The following THAP5 variants were observed in gnomAD, a reference collection of about 807,000 sequenced individuals.
THAP5 encodes the protein THAP domain-containing protein 5.
A neutral mutation model predicts 34.0 loss-of-function variants in THAP5; 26 were observed. That is an observed-to-expected ratio of 0.77 (90% CI 0.56 to 1.06). THAP5 has a LOEUF of 1.06. Among genes scored for constraint, THAP5 ranks in the 50% least tolerant of loss-of-function variants. The pLI is 0.00. For synonymous variants in THAP5, 125 were observed against 153.0 expected (o/e 0.82, Z 1.35); for missense variants, 394 against 452.8 (o/e 0.87, Z 1.18).
downstream of THAP5, among the ~76,000 whole-genome samples, chr7:108,560,945 G>C (rs1015233954): frequency 6.6e-6 from 1 of 152,140 alleles, no homozygotes; most frequent in African/African-American, 2.4e-5. Context: ...TGTTGCCCAG[G>C]CTGGTCTCAA....
At chr7:108,560,211 G>A (rs1178154768), downstream of THAP5, among the ~76,000 whole-genome samples, 1 of 152,168 alleles carries the variant, frequency 6.6e-6, no homozygotes, top group Non-Finnish European at 1.5e-5. Context: ...AAGGCATGAA[G>A]GACCTTGTTT....
chr7:108,566,907 T>C (rs1379747494), intron 1 of THAP5, among the ~76,000 whole-genome samples: 1 of 152,142 alleles, frequency 6.6e-6, no homozygotes, highest in Non-Finnish European at 1.5e-5. Flanking sequence ...TTGAAAATGG[T>C]TTATATTCCA....
At chr7:108,541,843 A>C in the THAP5 span, among the ~76,000 whole-genome samples, 1 of 152,202 alleles carries the variant, frequency 6.6e-6, no homozygotes, top group Non-Finnish European at 1.5e-5. Flanking sequence ...CAATCATATA[A>C]ATGCATTTCA....
chr7:108,558,381 G>GTGTATATATATATATATATATA (rs1321603472), downstream of THAP5, among the ~76,000 whole-genome samples: 1 of 93,822 alleles, frequency 1.1e-5, no homozygotes, highest in African/African-American at 4.6e-5. Flanking sequence ...GTGTGTGTAT[G>GTGTATATATATATATATATATA]TATATATATA....
chr7:108,559,523 A>C (rs568596496), downstream of THAP5, among the ~76,000 whole-genome samples: 81 of 152,338 alleles, frequency 5.3e-4, no homozygotes, highest in African/African-American at 1.9e-3. Context: ...CTAACAGATT[A>C]ATGATGTATT....
downstream of THAP5, among the ~76,000 whole-genome samples, chr7:108,558,059 A>G (rs1282037716): frequency 6.6e-6 from 1 of 151,952 alleles, no homozygotes; most frequent in African/African-American, 2.4e-5. Context: ...GTAAACAACC[A>G]CATCTCGTGG....
rs1341251214 is a variant in THAP5 at position 108,564,741 on chromosome 7, T to C, written c.638A>G (p.Glu213Gly). ...TTITLTTSNSESIHQSLETQE... is the reference protein window; with the variant it reads ...TTITLTTSNSGSIHQSLETQE... ...AGTTTCCAAAGATTGATGAATACTT[T>C]CTGAATTTGAAGTTGTCAAAGTAAT... The change falls in exon 3 of 3, where the codon GAA becomes GGA. Residue 213 changes from glutamate (E) to glycine (G), a missense_variant. By Grantham distance (98) the Glu-to-Gly change is moderately conservative. Coordinates refer to ENST00000415914, the MANE Select transcript of THAP5 (RefSeq NM_001130475.3). 5 of 1,613,372 alleles carry C rather than the reference T, an allele frequency of 3.1e-6. No individual in the cohort carries two copies. The highest frequency in any genetic ancestry group is 1.7e-5 in the Admixed American group (1 of 59,932).
At chr7:108,555,314 G>A (rs573656404) in intron 1 of THAP5, among the ~76,000 whole-genome samples, 13 of 151,904 alleles carry the variant, frequency 8.6e-5, no homozygotes, top group African/African-American at 2.2e-4. Flanking sequence ...ACAGGTGCCC[G>A]CCACCATGCC....
Position 108,569,512 on chromosome 7 carries a change from CT to C in THAP5, c.57del (p.Asp20ThrfsTer4). 5 of 1,551,808 alleles carry C rather than the reference CT, an allele frequency of 3.2e-6. No homozygotes were observed. Among genetic ancestry groups the C allele is most frequent in the Non-Finnish European group, 4.4e-6 (5 of 1,147,020 alleles). ...CCKNRRGRNN[K>X]DRKLSFYPFP... ...TACGGATAAAAACTCAGCTTCCGGTCTTTATTGTTTCGTCCCCGGCGGTTCT... is the reference window on the plus strand; with the variant it reads ...TACGGATAAAAACTCAGCTTCCGGTCTTATTGTTTCGTCCCCGGCGGTTCT... On this transcript the variant is annotated frameshift_variant, in exon 1 of 3. Transcript: ENST00000415914. LOFTEE classifies it high-confidence loss of function.
At position 108,569,666 on chromosome 7, in the gene THAP5, T is replaced by C; in HGVS notation, c.-97A>G. Reference sequence around the variant, plus strand: ...CACAGGTCCAGGCCTCTCGAGCCCCTGCGCCTGCGCTAGCATTCTGCCGGG... The same window carrying C: ...CACAGGTCCAGGCCTCTCGAGCCCCCGCGCCTGCGCTAGCATTCTGCCGGG... On this transcript the variant is annotated 5_prime_UTR_variant, in exon 1 of 3. Transcript: ENST00000415914. 1.4e-6 allele frequency: 2 copies of C among 1,460,884 alleles called. No homozygotes were observed. The highest frequency in any genetic ancestry group is 1.9e-6 in the Non-Finnish European group (2 of 1,080,362). The allele number at this position is 1,460,884 out of a possible 1,614,324, so 90.5% of individuals were successfully genotyped here.
downstream of THAP5, among the ~76,000 whole-genome samples, chr7:108,552,161 T>C (rs1864357393): frequency 6.6e-6 from 1 of 152,184 alleles, no homozygotes; most frequent in African/African-American, 2.4e-5. Flanking sequence ...TGTTTTAACC[T>C]CTTTAGAGAA....
Position 108,565,975 on chromosome 7 carries a change from A to G in THAP5, c.128T>C (p.Met43Thr), listed in dbSNP as rs1388041491. The change falls in exon 2 of 3, where the codon ATG becomes ACG. Residue 43 changes from methionine to threonine, a missense_variant. By Grantham distance (81) the Met-to-Thr change is moderately conservative. Transcript: ENST00000415914. ...KERLEKWLKN[M>T]KRDSWVPSKY... The stretch of plus-strand genomic sequence containing the variant: ...ACTGGGAACCCATGAATCTCGCTTC[A>G]TATTCTTTAACCACTTTTCCAGTCT... 2 of 1,548,698 alleles carry G rather than the reference A, an allele frequency of 1.3e-6. No homozygotes were observed. The highest frequency in any genetic ancestry group is 2.4e-5 in the South Asian group (2 of 83,456).
At position 108,564,302 on chromosome 7, in the gene THAP5, C is replaced by A. The variant is rs1230889743; in HGVS notation, c.1077G>T (p.Leu359Phe). 2 of 1,613,896 alleles carry A rather than the reference C, an allele frequency of 1.2e-6. No homozygotes were observed. Among genetic ancestry groups the A allele is most frequent in the Non-Finnish European group, 1.7e-6 (2 of 1,179,902 alleles). Residue 359 changes from leucine to phenylalanine, a missense_variant, in exon 3 of 3, where the codon TTG (leucine) becomes TTT (phenylalanine). By Grantham distance (22) the Leu-to-Phe change is conservative. Coordinates refer to ENST00000415914, the MANE Select transcript of THAP5 (RefSeq NM_001130475.3). The stretch of plus-strand genomic sequence containing the variant: ...GCCTTATAAGAGCTTCCAAAGACTT[C>A]AATCTACCTAGAGTTTGTTGCTCTT... Reference protein sequence around the residue: ...ELKEQQTLGRLKSLEALIRQL... With the variant: ...ELKEQQTLGRFKSLEALIRQL...
chr7:108,567,113 A>T (rs1231802975), intron 1 of THAP5, among the ~76,000 whole-genome samples: 2 of 152,140 alleles, frequency 1.3e-5, no homozygotes, highest in African/African-American at 4.8e-5. Context: ...GATGCCATGG[A>T]AAGTCTGGGT....
At position 108,564,757 on chromosome 7, in the gene THAP5, T is replaced by G. The variant is rs766684611; in HGVS notation, c.622A>C (p.Thr208Pro). ...TGAATACTTTCTGAATTTGAAGTTG[T>G]CAAAGTAATAGTTGTAGAATTTAGA... is the stretch of plus-strand genomic sequence containing the variant. ...ENLNSTTITL[T>P]TSNSESIHQS... Residue 208 changes from threonine (T) to proline (P), a missense_variant, in exon 3 of 3, where the codon ACA becomes CCA. Thr to Pro is a conservative substitution (Grantham distance 38). Transcript: ENST00000415914. 10 of 1,613,274 alleles carry G rather than the reference T, an allele frequency of 6.2e-6. No individual in the cohort carries two copies. In the Admixed American group the frequency reaches 6.7e-5, roughly 11 times the overall value.
chr7:108,545,262 A>C, the THAP5 span, among the ~76,000 whole-genome samples: 9 of 152,356 alleles, frequency 5.9e-5, no homozygotes, highest in African/African-American at 2.2e-4. Context: ...AAGAATGTCT[A>C]TACTGTTTTT....
the THAP5 span, among the ~76,000 whole-genome samples, chr7:108,542,772 C>T: frequency 6.6e-6 from 1 of 152,060 alleles, no homozygotes; most frequent in Admixed American, 6.6e-5. Flanking sequence ...CAAGCATCTT[C>T]TGTTTCATAT....
At chr7:108,546,725 C>T in the THAP5 span, among the ~76,000 whole-genome samples, 15 of 152,142 alleles carry the variant, frequency 9.9e-5, no homozygotes, top group South Asian at 1.2e-3. Context: ...GAGCAGTTTA[C>T]CTTTGCATGA....
chr7:108,556,702 T>C (rs1411138722), intron 1 of THAP5, among the ~76,000 whole-genome samples: 3 of 152,152 alleles, frequency 2.0e-5, no homozygotes, highest in Non-Finnish European at 4.4e-5. Flanking sequence ...GCTTGGAGCT[T>C]TTCCAGGTGC....
Sources: allele counts gnomAD v4.1 joint callset (sites outside exome capture counted in the v4.1 genomes callset), GRCh38; gene constraint gnomAD v4.1.1; transcripts MANE v1.5; gene names NCBI Gene and HGNC (gene_info 2026-07-23, HGNC 2026-07-21).